Variants in MESD observed in about 807,000 individuals in gnomAD.
MESD encodes LRP chaperone MESD.
MESD carries 7 observed loss-of-function variants against 12.9 expected under a neutral mutation model. The ratio of observed to expected loss-of-function variants is 0.54; its 90% CI spans 0.31 to 1.02. The LOEUF (loss-of-function observed/expected upper bound fraction) is 1.02. MESD is among the 50% of genes least tolerant of loss of function. MESD has a pLI of 0.05. For missense variants in MESD, 342 were observed against 296.7 expected (o/e 1.15, Z -1.12); for synonymous variants, 126 against 115.6 (o/e 1.09, Z -0.58).
chr15:80,949,173 T>G (rs1004319288), intron 4 of MESD: 1 of 545,158 alleles, frequency 1.8e-6, no homozygotes, highest in African/African-American at 1.9e-5. Flanking sequence ...TCCTGCAGCC[T>G]CTTGGGTGCT....
chr15:80,975,162 G>A (rs1902377502), downstream of MESD, among the ~76,000 whole-genome samples: 1 of 149,186 alleles, frequency 6.7e-6, no homozygotes, highest in East Asian at 2.0e-4. Context: ...CAGGAGGATT[G>A]CTTGAGGACC....
Position 80,989,699 on chromosome 15 carries a change from G to C in MESD, c.93C>G (p.Ser31=). The change falls in exon 1 of 3, where the codon TCC becomes TCG. Residue 31 remains serine, a synonymous_variant. Coordinates refer to ENST00000261758, the MANE Select transcript of MESD (RefSeq NM_015154.3). ...LLLLLLPPPG[S]CAAEGSPGTP... Reference sequence around the variant, plus strand: ...TCCCGGGCGAGCCTTCGGCCGCGCAGGACCCAGGCGGTGGTAGCAGTAGCA... The same window carrying C: ...TCCCGGGCGAGCCTTCGGCCGCGCACGACCCAGGCGGTGGTAGCAGTAGCA... 1 of 1,611,838 alleles carries C rather than the reference G, an allele frequency of 6.2e-7. No individual in the cohort carries two copies. Among genetic ancestry groups the C allele is most frequent in the South Asian group, 1.1e-5 (1 of 91,080 alleles).
intron 3 of MESD, among the ~76,000 whole-genome samples, chr15:80,960,303 C>CTGCA: frequency 6.6e-6 from 1 of 150,384 alleles, no homozygotes; most frequent in East Asian, 2.0e-4. Context: ...GAAGTCAAGG[C>CTGCA]TGCAGTGAGC....
downstream of MESD, among the ~76,000 whole-genome samples, chr15:80,975,208 CAAAA>C (rs1010133981): frequency 1.5e-5 from 1 of 65,266 alleles, no homozygotes; most frequent in African/African-American, 4.9e-5. Flanking sequence ...TCCATTTCTC[CAAAA>C]AAAAAAAACA....
chr15:80,947,045 A>T (rs755979638), downstream of MESD: 16 of 1,613,470 alleles, frequency 9.9e-6, no homozygotes, highest in African/African-American at 2.7e-5. Context: ...CTTGGGGCAG[A>T]CAGGGGTCTC....
intron 3 of MESD, among the ~76,000 whole-genome samples, chr15:80,965,786 C>T (rs1446484556): frequency 6.6e-6 from 1 of 152,096 alleles, no homozygotes; most frequent in Non-Finnish European, 1.5e-5. Context: ...GGGAGCATCA[C>T]ACACCAGGGC....
In MESD at chr15:80,989,681, C is replaced by T. The variant is rs1893244833; in HGVS notation, c.111G>A (p.Ser37=). 6 of 1,613,046 alleles carry T rather than the reference C, an allele frequency of 3.7e-6. No homozygotes were observed. The highest frequency in any genetic ancestry group is 5.1e-6 in the Non-Finnish European group (6 of 1,179,996). Residue 37 remains serine (S), a synonymous_variant, in exon 1 of 3, where the codon TCG becomes TCA. Transcript: ENST00000261758. ...GGGTAGACTCGTCGGGCGTCCCGGG[C>T]GAGCCTTCGGCCGCGCAGGACCCAG... ...PPPGSCAAEG[S]PGTPDESTPP... is the part of the protein sequence containing the mutation.
chr15:80,963,956 T>C (rs554448605), intron 3 of MESD, among the ~76,000 whole-genome samples: 37 of 152,216 alleles, frequency 2.4e-4, no homozygotes, highest in African/African-American at 6.7e-4. Flanking sequence ...CTATTCAACA[T>C]AGTATTGGAA....
At chr15:80,979,939 G>A (rs1596235424) in intron 2 of MESD, among the ~76,000 whole-genome samples, 1 of 152,248 alleles carries the variant, frequency 6.6e-6, no homozygotes, top group African/African-American at 2.4e-5. Flanking sequence ...AAGAGGCTAT[G>A]AAGGACTCAA....
At chr15:80,951,252 TA>T (rs896890111) in intron 4 of MESD, 6 of 152,676 alleles carry the variant, frequency 3.9e-5, no homozygotes, top group African/African-American at 1.2e-4. Context: ...TCAGTTCATT[TA>T]AAAAAGATAT....
In MESD at chr15:80,977,549, G is replaced by C. The variant is rs1410777488; in HGVS notation, c.*1670C>G. 6.6e-6 allele frequency: 1 copy of C among 152,220 alleles called. No individual in the cohort carries two copies. The highest frequency in any genetic ancestry group is 1.5e-5 in the Non-Finnish European group (1 of 68,076). The allele number at this position is 152,220 out of a possible 1,614,324, so 9.4% of individuals were successfully genotyped here. The stretch of plus-strand genomic sequence containing the variant: ...CGGAGTGAAAGCTTTGCTACCTTTT[G>C]CTTAATTAAAGCAATTATCTCATCA... On this transcript the variant is annotated 3_prime_UTR_variant, in exon 3 of 3. Coordinates refer to ENST00000261758, the MANE Select transcript of MESD (RefSeq NM_015154.3).
chr15:80,979,600 G>A, intron 2 of MESD, 123 bp from the exon 3 acceptor site: 3 of 1,219,216 alleles, frequency 2.5e-6, no homozygotes, highest in East Asian at 2.4e-5. Flanking sequence ...TGAAAAATTG[G>A]ATTTTCCAAA....
chr15:80,981,922 G>C (rs1426325745), intron 2 of MESD, 28 bp downstream of exon 2: 1 of 1,429,216 alleles, frequency 7.0e-7, no homozygotes, highest in Admixed American at 1.7e-5. Flanking sequence ...CAGCCTATGA[G>C]TCTCTCAGCT....
At chr15:80,974,178 C>T (rs1439434779), downstream of MESD, among the ~76,000 whole-genome samples, 3 of 152,198 alleles carry the variant, frequency 2.0e-5, no homozygotes, top group Admixed American at 1.3e-4. Flanking sequence ...CTCTCCTTTC[C>T]GGTTCAGCTA....
At chr15:80,984,939 A>T (rs1222008971) in intron 1 of MESD, among the ~76,000 whole-genome samples, 1 of 152,246 alleles carries the variant, frequency 6.6e-6, no homozygotes, top group Non-Finnish European at 1.5e-5. Flanking sequence ...TACCGACGTC[A>T]GACCTGGAAT....
At chr15:80,966,391 T>C (rs1190218452) in intron 3 of MESD, among the ~76,000 whole-genome samples, 1 of 152,182 alleles carries the variant, frequency 6.6e-6, no homozygotes, top group East Asian at 1.9e-4. Flanking sequence ...TTATACCTCA[T>C]CAAAATAATA....
At chr15:80,973,855 G>A (rs1253322458), downstream of MESD, among the ~76,000 whole-genome samples, 1 of 151,714 alleles carries the variant, frequency 6.6e-6, no homozygotes, top group African/African-American at 2.4e-5. Context: ...TTCAAATTGT[G>A]TGCCTGGGGC....
At chr15:80,954,613 T>A (rs539723063) in intron 3 of MESD, among the ~76,000 whole-genome samples, 1 of 151,940 alleles carries the variant, frequency 6.6e-6, no homozygotes, top group African/African-American at 2.4e-5. Context: ...TGGTGAGGGT[T>A]GGGGGAGGGG....
chr15:80,955,502 A>AAAAAAAAAAAAAAG (rs1483500188), intron 3 of MESD, among the ~76,000 whole-genome samples: 6 of 143,346 alleles, frequency 4.2e-5, no homozygotes, highest in African/African-American at 1.5e-4. Context: ...AAAAAAAAAA[A>AAAAAAAAAAAAAAG]AAAGAAATGC....
Sources: gnomAD v4.1 joint callset for allele counts (sites outside exome capture counted in the v4.1 genomes callset) on GRCh38, gnomAD v4.1.1 for gene constraint, MANE v1.5 for transcripts, NCBI Gene and HGNC (gene_info 2026-07-23, HGNC 2026-07-21) for gene names.